The following ADGRV1 variants were observed in gnomAD, a reference collection of about 807,000 sequenced individuals.
ADGRV1 encodes the protein adhesion G protein-coupled receptor V1.
A neutral mutation model predicts 596.2 loss-of-function variants in ADGRV1; 359 were observed. The ratio of observed to expected loss-of-function variants is 0.60; its 90% CI spans 0.55 to 0.66. ADGRV1 has a LOEUF of 0.66. Among genes scored for constraint, ADGRV1 ranks in the 30% least tolerant of loss-of-function variants. ADGRV1 has a pLI of 0.00. For missense variants in ADGRV1, 7,274 were observed against 7,575.6 expected, an observed-to-expected ratio of 0.96 and a Z score of 1.48; for synonymous variants, 2,681 against 2,679.2, an observed-to-expected ratio of 1.00 and a Z score of -0.02.
intron 83 of ADGRV1, among the ~76,000 whole-genome samples, chr5:90,866,624 G>A (rs1768137347): frequency 7.9e-5 from 12 of 151,930 alleles, no homozygotes; most frequent in Admixed American, 7.9e-4. Context: ...CACATTTGTG[G>A]TGTCCTACCT....
At chr5:90,751,257 C>T (rs1331186550) in intron 53 of ADGRV1, among the ~76,000 whole-genome samples, 1 of 152,148 alleles carries the variant, frequency 6.6e-6, no homozygotes. Context: ...AGGTTGATTG[C>T]AACTGAGTTC....
rs1208364488 is a variant in ADGRV1, at chr5:90,929,164, T to C, written c.17857-36251T>C. 359 of 157,050 alleles carry C rather than the reference T, an allele frequency of 2.3e-3. 2 individuals carry two copies. Among genetic ancestry groups the C allele is most frequent in the African/African-American group, 8.1e-3 (334 of 41,462 alleles). The allele number at this position is 157,050 out of a possible 1,614,324, so 9.7% of individuals were successfully genotyped here. On this transcript the variant is annotated intron_variant, in intron 83 of 89. Coordinates refer to ENST00000405460, the MANE Select transcript of ADGRV1 (RefSeq NM_032119.4). ...TTGAGCTGTGGTGGGCTCCACCCAG[T>C]TTGAGCTTCCAGGCTGCTTTGTTTA...
intron 86 of ADGRV1, among the ~76,000 whole-genome samples, chr5:91,101,229 A>C (rs1207631803): frequency 6.6e-6 from 1 of 152,158 alleles, no homozygotes; most frequent in Non-Finnish European, 1.5e-5. Flanking sequence ...TTCTCATTGT[A>C]CTCTACTTGC....
intron 73 of ADGRV1, 88 bp from the exon 74 acceptor site, chr5:90,810,145 C>A: frequency 1.8e-6 from 2 of 1,084,502 alleles, no homozygotes; most frequent in Non-Finnish European, 2.6e-6. Context: ...TCATGAGCAG[C>A]ATTTTAAATA....
intron 1 of ADGRV1, among the ~76,000 whole-genome samples, chr5:90,607,124 G>T (rs1488308594): frequency 6.6e-6 from 1 of 152,138 alleles, no homozygotes; most frequent in Non-Finnish European, 1.5e-5. Flanking sequence ...AAAGGAAGGC[G>T]AGAGGAAACA....
At chr5:90,654,538 T>C (rs1032691819) in intron 20 of ADGRV1, 3 of 156,842 alleles carry the variant, frequency 1.9e-5, no homozygotes, top group Non-Finnish European at 4.2e-5. Flanking sequence ...CATATGCTGA[T>C]TCCTCAAGAA....
At chr5:90,797,287 C>CAAAAAAAAAAAAAAAAAAAA in intron 70 of ADGRV1, among the ~76,000 whole-genome samples, 1 of 26,350 alleles carries the variant, frequency 3.8e-5, no homozygotes, top group South Asian at 2.1e-3. Flanking sequence ...AAATGAAAAG[C>CAAAAAAAAAAAAAAAAAAAA]AAAAAAAAAA....
chr5:91,019,986 T>C (rs759138445), intron 85 of ADGRV1, among the ~76,000 whole-genome samples: 2 of 152,004 alleles, frequency 1.3e-5, no homozygotes, highest in African/African-American at 2.4e-5. Flanking sequence ...CACCCAATAA[T>C]TGGGCCTGTC....
intron 81 of ADGRV1, among the ~76,000 whole-genome samples, 166 bp downstream of exon 81, chr5:90,854,367 T>C (rs893345899): frequency 6.6e-6 from 1 of 152,212 alleles, no homozygotes; most frequent in Non-Finnish European, 1.5e-5. Flanking sequence ...TGGTCTAGTA[T>C]TGTTCTGATG....
chr5:90,823,354 T>G (rs1017044591), intron 75 of ADGRV1, 71 bp from the exon 76 acceptor site: 1 of 1,452,928 alleles, frequency 6.9e-7, no homozygotes, highest in Non-Finnish European at 9.5e-7. Flanking sequence ...GTACCATTAT[T>G]TGATAATAAA....
intron 21 of ADGRV1, among the ~76,000 whole-genome samples, chr5:90,659,888 C>T (rs1435461630): frequency 2.0e-5 from 3 of 151,970 alleles, no homozygotes; most frequent in African/African-American, 2.4e-5. Context: ...AAAAATTAGC[C>T]GGGTGTGGTG....
At chr5:90,960,117 T>G (rs553916323) in intron 83 of ADGRV1, among the ~76,000 whole-genome samples, 3 of 139,766 alleles carry the variant, frequency 2.1e-5, no homozygotes, top group African/African-American at 8.3e-5. Context: ...CCAGCCTGGG[T>G]GACAGACCGA....
intron 1 of ADGRV1, among the ~76,000 whole-genome samples, chr5:90,605,479 C>T (rs895718064): frequency 6.6e-6 from 1 of 151,256 alleles, no homozygotes; most frequent in Admixed American, 6.6e-5. Flanking sequence ...ATTTACTTGC[C>T]CTGTTTCTGT....
At chr5:91,042,875 G>T (rs557333864) in intron 85 of ADGRV1, among the ~76,000 whole-genome samples, 8 of 152,106 alleles carry the variant, frequency 5.3e-5, no homozygotes, top group African/African-American at 1.9e-4. Context: ...GTGCTGAAAG[G>T]GTTCACTGTT....
chr5:90,993,671 G>A (rs1781161028), intron 85 of ADGRV1, among the ~76,000 whole-genome samples: 1 of 151,936 alleles, frequency 6.6e-6, no homozygotes, highest in Admixed American at 6.6e-5. Context: ...TTAACTTGCT[G>A]GTTTCAAGTA....
At chr5:90,763,558 G>A (rs1712774101) in intron 59 of ADGRV1, 89 bp downstream of exon 59, 4 of 1,332,832 alleles carry the variant, frequency 3.0e-6, no homozygotes, top group Non-Finnish European at 3.1e-6. Context: ...GGGAGCACAT[G>A]TGCAGGTTTG....
intron 83 of ADGRV1, among the ~76,000 whole-genome samples, chr5:90,933,541 G>T (rs1398321647): frequency 5.3e-5 from 8 of 152,148 alleles, no homozygotes; most frequent in Non-Finnish European, 1.5e-5. Flanking sequence ...AGTGAGATGT[G>T]CCAGGACCTA....
chr5:90,988,222 T>C (rs1178133144), intron 85 of ADGRV1, among the ~76,000 whole-genome samples: 1 of 152,232 alleles, frequency 6.6e-6, no homozygotes, highest in Admixed American at 6.5e-5. Context: ...TTTTATTTTG[T>C]CTGATTATTC....
Position 90,652,543 on chromosome 5 carries a change from T to C in ADGRV1, c.3614T>C (p.Leu1205Pro), listed in dbSNP as rs771779601. 2.5e-6 allele frequency: 4 copies of C among 1,604,546 alleles called. No homozygotes were observed. The East Asian group carries it at 8.9e-5, about 36-fold the overall frequency. ...CCTGAATTCAATGAATTTTATTTCCTAAAACTTGTAAACATTTCAGGTACT... is the reference window on the plus strand; with the variant it reads ...CCTGAATTCAATGAATTTTATTTCCCAAAACTTGTAAACATTTCAGGTACT... ...KIPEFNEFYF[L>P]KLVNISGGSP... Residue 1205 changes from leucine (L) to proline (P), a missense_variant, in exon 19 of 90, where the codon CTA becomes CCA. By Grantham distance (98) the Leu-to-Pro change is moderately conservative. Transcript: ENST00000405460.
Sources: gnomAD v4.1 joint callset for allele counts (sites outside exome capture counted in the v4.1 genomes callset) on GRCh38, gnomAD v4.1.1 for gene constraint, MANE v1.5 for transcripts, NCBI Gene and HGNC (gene_info 2026-07-23, HGNC 2026-07-21) for gene names.